Variants in CELSR1 observed in about 807,000 individuals in gnomAD.
CELSR1 encodes cadherin EGF LAG seven-pass G-type receptor 1, also known as adhesion G protein-coupled receptor C1.
CELSR1 carries 110 observed loss-of-function variants against 249.1 expected under a neutral mutation model. The ratio of observed to expected loss-of-function variants is 0.44; its 90% confidence interval spans 0.38 to 0.52. The LOEUF (loss-of-function observed/expected upper bound fraction) is 0.52, where lower values mean the gene tolerates loss of function less well. Among genes scored for constraint, CELSR1 ranks in the 20% least tolerant of loss-of-function variants. The pLI, the probability that CELSR1 is intolerant of heterozygous loss-of-function variation, is 0.00. For missense variants in CELSR1, 4,109 were observed against 4,296.4 expected, an observed-to-expected ratio of 0.96 and a Z score of 1.22; for synonymous variants, 2,113 against 1,900.0, an observed-to-expected ratio of 1.11 and a Z score of -2.92.
chr22:46,446,125 C>CCAGCCCCCAGCCACACAT lies in CELSR1; in HGVS notation c.4184-6715_4184-6714insATGTGTGGCTGGGGGCTG, dbSNP rs1569168864. On this transcript the variant is annotated intron_variant, in intron 2 of 34. Coordinates refer to ENST00000674500, the MANE Select transcript of CELSR1 (RefSeq NM_001378328.1). The surrounding 1 kb of genome is among the most constrained non-coding windows in gnomAD (Gnocchi z 5.5). The stretch of plus-strand genomic sequence containing the variant: ...CCAGGGCCCAGCCCCCAGCCACACA[C>CCAGCCCCCAGCCACACAT]CCAGCCCCCTCCACACCATACTCAC... 3.3e-5 allele frequency among the ~76,000 whole-genome samples: 5 copies of CCAGCCCCCAGCCACACAT among 151,926 alleles called. No homozygotes were observed. The highest frequency in any genetic ancestry group is 7.3e-5 in the African/African-American group (3 of 41,366).
intron 1 of CELSR1, among the ~76,000 whole-genome samples, chr22:46,523,610 G>T (rs1158651467): frequency 6.6e-6 from 1 of 152,004 alleles, no homozygotes; most frequent in African/African-American, 2.4e-5. Flanking sequence ...GTTGGAAGGA[G>T]GGAGGGAGGG....
chr22:46,460,667 GAGGCCATCCC>G (rs2080015367), intron 2 of CELSR1, among the ~76,000 whole-genome samples: 1 of 152,206 alleles, frequency 6.6e-6, no homozygotes, highest in African/African-American at 2.4e-5. Context: ...GAGAAACTGG[GAGGCCATCCC>G]AGGCACATCT....
intron 1 of CELSR1, among the ~76,000 whole-genome samples, chr22:46,482,294 G>A (rs2080274313): frequency 6.6e-6 from 1 of 152,168 alleles, no homozygotes; most frequent in Non-Finnish European, 1.5e-5. Context: ...GAGGAAGAGT[G>A]GGAGAAAGAG....
chr22:46,454,078 G>A lies in CELSR1; in HGVS notation c.4183+9629C>T, dbSNP rs1026267037. Among the ~76,000 whole-genome samples, 1 of 152,218 alleles carries A rather than the reference G, an allele frequency of 6.6e-6. No homozygotes were observed. The highest frequency in any genetic ancestry group is 1.5e-5 in the Non-Finnish European group (1 of 68,042). On this transcript the variant is annotated intron_variant, in intron 2 of 34. Coordinates refer to ENST00000674500, the MANE Select transcript of CELSR1 (RefSeq NM_001378328.1). This position sits in a 1 kb window ranked among gnomAD's most constrained non-coding sequence, Gnocchi z 5.1. Reference sequence around the variant, plus strand: ...TGTGTGGCCCCAAAGTCATCACAAGGCTCCTTGTAAGCGGTGGGAGGGTGA... The same window carrying A: ...TGTGTGGCCCCAAAGTCATCACAAGACTCCTTGTAAGCGGTGGGAGGGTGA...
chr22:46,371,051 G>A (rs1021843261), intron 25 of CELSR1, among the ~76,000 whole-genome samples: 16 of 152,320 alleles, frequency 1.1e-4, no homozygotes, highest in African/African-American at 1.7e-4. Flanking sequence ...TCATCTCAGC[G>A]TCTCTCACAG....
chr22:46,459,845 A>G (rs559619099), intron 2 of CELSR1, among the ~76,000 whole-genome samples: 1 of 152,312 alleles, frequency 6.6e-6, no homozygotes, highest in South Asian at 2.1e-4. Flanking sequence ...TGCCTCGAGA[A>G]GTCAATGAGA....
At chr22:46,450,291 G>A (rs957114396) in intron 2 of CELSR1, among the ~76,000 whole-genome samples, 7 of 152,364 alleles carry the variant, frequency 4.6e-5, no homozygotes, top group East Asian at 1.9e-4. Flanking sequence ...GGGGGAGGAC[G>A]TGCTACCAAC....
At chr22:46,461,505 C>T (rs1324636617) in intron 2 of CELSR1, among the ~76,000 whole-genome samples, 4 of 152,186 alleles carry the variant, frequency 2.6e-5, no homozygotes, top group African/African-American at 7.2e-5. Context: ...CCTGGACTGG[C>T]GGCCTGGAAG....
In CELSR1 at chr22:46,419,089, C is replaced by T. The variant is rs201976603; in HGVS notation, c.4612-7330G>A. On this transcript the variant is annotated intron_variant, in intron 5 of 34. Transcript: ENST00000674500. ...AGCCCCCACTGAGCCAGACCCTGGACCAAAGCCCCCAGTTCCATGGGAGGA... is the reference window on the plus strand; with the variant it reads ...AGCCCCCACTGAGCCAGACCCTGGATCAAAGCCCCCAGTTCCATGGGAGGA... 1.1e-4 allele frequency among the ~76,000 whole-genome samples: 16 copies of T among 152,248 alleles called. No homozygotes were observed. The East Asian group carries it at 3.1e-3, about 29-fold the overall frequency.
intron 1 of CELSR1, among the ~76,000 whole-genome samples, chr22:46,491,563 G>A (rs927431003): frequency 2.6e-5 from 4 of 151,102 alleles, no homozygotes; most frequent in African/African-American, 4.9e-5. Context: ...ACGCCCAGCC[G>A]TGAGAAAGTA....
chr22:46,391,123 C>T lies in CELSR1; in HGVS notation c.6250+63G>A. 13 of 1,362,832 alleles carry T rather than the reference C, an allele frequency of 9.5e-6. No homozygotes were observed. The highest frequency in any genetic ancestry group is 8.4e-5 in the South Asian group (7 of 83,632). The allele number at this position is 1,362,832 out of a possible 1,614,324, so 84.4% of individuals were successfully genotyped here. A position where few individuals can be genotyped will look rare whatever the true frequency, so the allele number is the denominator to read the frequency against. On this transcript the variant is annotated intron_variant, in intron 16 of 34. Coordinates refer to ENST00000674500, the MANE Select transcript of CELSR1 (RefSeq NM_001378328.1). The surrounding 1 kb of genome is among the most constrained non-coding windows in gnomAD (Gnocchi z 4.3). ...AAACATTCCATGAGTCCCCACATCT[C>T]GACTGGCTCCTCCCACAAGGACGCC...
chr22:46,478,033 C>T (rs2080227820), intron 1 of CELSR1, among the ~76,000 whole-genome samples: 1 of 152,180 alleles, frequency 6.6e-6, no homozygotes, highest in Non-Finnish European at 1.5e-5. Flanking sequence ...CAACACCTGC[C>T]AGGGCAGCAG....
rs1406419080 is a variant in CELSR1, at chr22:46,534,008, C to T, written c.3163G>A (p.Asp1055Asn). 1.1e-5 allele frequency: 18 copies of T among 1,613,712 alleles called. No individual in the cohort carries two copies. The highest frequency in any genetic ancestry group is 1.5e-5 in the Non-Finnish European group (18 of 1,180,038). Reference protein sequence around the residue: ...HFFQLDLLNGDLRAMVELDFE... With the variant: ...HFFQLDLLNGNLRAMVELDFE... Reference sequence around the variant, plus strand: ...TCCAGCTCCACCATGGCACGCAGGTCCCCGTTGAGCAGGTCCAGCTGGAAG... The same window carrying T: ...TCCAGCTCCACCATGGCACGCAGGTTCCCGTTGAGCAGGTCCAGCTGGAAG... Residue 1055 changes from aspartate (D) to asparagine (N), a missense_variant, in exon 1 of 35, where the codon GAC becomes AAC. Asp to Asn is a conservative substitution (Grantham distance 23). Around this residue, in one of 7 missense-constraint regions of CELSR1, gnomAD observed 886 missense variants for 896.5 expected, o/e 0.99. Transcript: ENST00000674500. The surrounding 1 kb of genome is among the most constrained non-coding windows in gnomAD (Gnocchi z 9.7).
chr22:46,445,252 G>A lies in CELSR1; in HGVS notation c.4184-5841C>T, dbSNP rs572436157. Among the ~76,000 whole-genome samples, 2 of 152,300 alleles carry A rather than the reference G, an allele frequency of 1.3e-5. No individual in the cohort carries two copies. Among genetic ancestry groups the A allele is most frequent in the Admixed American group, 1.3e-4 (2 of 15,298 alleles). ...CTCAGGCCTGTCATCCCAGCACTTT[G>A]GGAGGCCGAGGCAGGTGGATCACCT... On this transcript the variant is annotated intron_variant, in intron 2 of 34. Transcript: ENST00000674500. The surrounding 1 kb of genome is among the most constrained non-coding windows in gnomAD (Gnocchi z 4.4).
intron 5 of CELSR1, among the ~76,000 whole-genome samples, chr22:46,422,266 C>T (rs949351282): frequency 9.9e-5 from 15 of 152,030 alleles, no homozygotes; most frequent in African/African-American, 2.2e-4. Context: ...CCACCACGCC[C>T]GGCTAATTTT....
rs532221403 is a variant in CELSR1, at chr22:46,383,078, C to A, written c.6884-1028G>T. On this transcript the variant is annotated intron_variant, in intron 20 of 34. Coordinates refer to ENST00000674500, the MANE Select transcript of CELSR1 (RefSeq NM_001378328.1). ...AGGTGTCTGGGTCATGGGTGTGGAT[C>A]CCCCAGGAATGGCTTGGTGCCCCGC... 2.0e-5 allele frequency among the ~76,000 whole-genome samples: 3 copies of A among 152,200 alleles called. No individual in the cohort carries two copies. In the East Asian group the frequency reaches 5.8e-4, roughly 29 times the overall value.
chr22:46,371,137 C>A (rs1349640463), intron 25 of CELSR1, among the ~76,000 whole-genome samples: 1 of 152,220 alleles, frequency 6.6e-6, no homozygotes, highest in African/African-American at 2.4e-5. Flanking sequence ...CCCAACCTGC[C>A]CCCACCTCAG....
rs2080516898 is a variant in CELSR1, at chr22:46,506,537, C to T, written c.3544+27090G>A. On this transcript the variant is annotated intron_variant, in intron 1 of 34. Transcript: ENST00000674500. The surrounding 1 kb of genome is among the most constrained non-coding windows in gnomAD (Gnocchi z 4.1). Reference sequence around the variant, plus strand: ...GCCAGCCTCAGCCCCAGCCCCAGCCCCCCAAGTCTCACAAGTCCAGAGAGC... The same window carrying T: ...GCCAGCCTCAGCCCCAGCCCCAGCCTCCCAAGTCTCACAAGTCCAGAGAGC... Among the ~76,000 whole-genome samples, 1 of 152,218 alleles carries T rather than the reference C, an allele frequency of 6.6e-6. No homozygotes were observed. The highest frequency in any genetic ancestry group is 1.5e-5 in the Non-Finnish European group (1 of 68,034).
At chr22:46,532,740 G>C (rs191506426) in intron 1 of CELSR1, among the ~76,000 whole-genome samples, 1 of 152,086 alleles carries the variant, frequency 6.6e-6, no homozygotes, top group South Asian at 2.1e-4. Flanking sequence ...GAGCCACTGG[G>C]GGACCTTTAC....
Sources: gnomAD v4.1 joint callset for allele counts (sites outside exome capture counted in the v4.1 genomes callset) on GRCh38, gnomAD v4.1.1 for gene constraint, gnomAD v4.1.1 regional missense constraint, Gnocchi (gnomAD v3.1) non-coding constraint, MANE v1.5 for transcripts, NCBI Gene and HGNC (gene_info 2026-07-23, HGNC 2026-07-21) for gene names.